KANSL1: variants seen among roughly 807,000 people sequenced by gnomAD.
KANSL1 encodes the protein MLL1/MLL complex subunit KANSL1.
KANSL1 carries 22 observed loss-of-function variants against 103.6 expected under a neutral mutation model. The observed-to-expected ratio is 0.21, with a 90% CI of 0.15 to 0.30. The LOEUF is 0.30. KANSL1 is among the 10% of genes least tolerant of loss of function. The pLI is 1.00. For synonymous variants in KANSL1, 600 were observed against 527.6 expected (o/e 1.14, Z -1.88); for missense variants, 1,337 against 1,399.8 (o/e 0.96, Z 0.72).
intron 1 of KANSL1, among the ~76,000 whole-genome samples, chr17:46,175,132 C>A (rs577075539): frequency 1.3e-5 from 2 of 152,262 alleles, no homozygotes; most frequent in East Asian, 1.9e-4. Context: ...CCAATTTAAT[C>A]AAAAATGCTT....
At chr17:46,168,566 C>T (rs868549519) in intron 2 of KANSL1, among the ~76,000 whole-genome samples, 60 of 152,142 alleles carry the variant, frequency 3.9e-4, no homozygotes, top group African/African-American at 1.4e-3. Flanking sequence ...AAACTGGTCT[C>T]GAACTCTCAA....
At chr17:46,218,580 T>C (rs1449568048) in intron 1 of KANSL1, among the ~76,000 whole-genome samples, 1 of 152,006 alleles carries the variant, frequency 6.6e-6, no homozygotes, top group Non-Finnish European at 1.5e-5. Flanking sequence ...GCCAGGAGTT[T>C]GAGACCAGCC....
At position 46,030,644 on chromosome 17, in the gene KANSL1, G is replaced by A. The variant is rs1443008596; in HGVS notation, c.*832C>T. On this transcript the variant is annotated 3_prime_UTR_variant, in exon 15 of 15. Transcript: ENST00000432791. ...GGCTGCTCACTTCCCACAACCCCCA[G>A]TTTGCAGGGGAGTGGGAATAGAGGT... The A allele has an allele frequency of 6.6e-6, 1 of 151,738 alleles. No homozygotes were observed. The highest frequency in any genetic ancestry group is 1.5e-5 in the Non-Finnish European group (1 of 67,968). The allele number at this position is 151,738 out of a possible 1,614,324, so 9.4% of individuals were successfully genotyped here.
chr17:46,159,817 G>C (rs2045636300), intron 2 of KANSL1, among the ~76,000 whole-genome samples: 1 of 152,172 alleles, frequency 6.6e-6, no homozygotes, highest in Non-Finnish European at 1.5e-5. Context: ...CATTTGATGG[G>C]GAAAAACCTT....
At chr17:46,154,518 G>A (rs970340482) in intron 2 of KANSL1, among the ~76,000 whole-genome samples, 5 of 152,158 alleles carry the variant, frequency 3.3e-5, no homozygotes, top group Admixed American at 1.3e-4. Flanking sequence ...TTGAGCTCAA[G>A]TGATCCCCCT....
At chr17:46,086,117 A>T (rs1423424757) in intron 3 of KANSL1, among the ~76,000 whole-genome samples, 3 of 152,266 alleles carry the variant, frequency 2.0e-5, no homozygotes, top group African/African-American at 7.2e-5. Context: ...AAGATAAATA[A>T]ATCTAACAAT....
chr17:46,169,398 T>C (rs1267925141), intron 2 of KANSL1: 1 of 151,510 alleles, frequency 6.6e-6, no homozygotes, highest in Non-Finnish European at 1.5e-5. Context: ...TCCTTCAAAA[T>C]AGAAAAAAAA....
intron 3 of KANSL1, among the ~76,000 whole-genome samples, chr17:46,090,950 A>G (rs951421046): frequency 3.9e-5 from 6 of 152,276 alleles, no homozygotes; most frequent in African/African-American, 1.4e-4. Flanking sequence ...AAAAAGTGTT[A>G]TGTATTTACT....
At chr17:46,058,027 A>C (rs2077994362) in intron 6 of KANSL1, among the ~76,000 whole-genome samples, 1 of 152,198 alleles carries the variant, frequency 6.6e-6, no homozygotes, top group Non-Finnish European at 1.5e-5. Context: ...GGGCAGGGAG[A>C]GGATCTGAAG....
At chr17:46,157,001 A>G (rs1004965288) in intron 2 of KANSL1, 5 of 152,266 alleles carry the variant, frequency 3.3e-5, no homozygotes, top group African/African-American at 1.2e-4. Flanking sequence ...TCTAACCACC[A>G]GAGAAGTGTT....
At position 46,034,016 on chromosome 17, in the gene KANSL1, T is replaced by C; in HGVS notation, c.2666+145A>G. The C allele has an allele frequency of 4.0e-6, 4 of 1,009,462 alleles. No homozygotes were observed. The South Asian group carries it at 6.4e-5, about 16-fold the overall frequency. The allele number at this position is 1,009,462 out of a possible 1,614,324, so 62.5% of individuals were successfully genotyped here. On this transcript the variant is annotated intron_variant, in intron 11 of 14. Transcript: ENST00000432791. ...AATGAGAGAGAACTATATACAGAAA[T>C]AATTTCGTTCTTATCAGATAAGAAT...
At position 46,094,375 on chromosome 17, in the gene KANSL1, G is replaced by C. The variant is rs2079533026; in HGVS notation, c.1431+185C>G. On this transcript the variant is annotated intron_variant, in intron 3 of 14. Coordinates refer to ENST00000432791, the MANE Select transcript of KANSL1 (RefSeq NM_015443.4). ...GCCTCCCAAAGTGCTGGGATCACAA[G>C]AGTGAGCCACCACGCGCAGCCACAT... is the stretch of plus-strand genomic sequence containing the variant. 8.4e-6 allele frequency: 6 copies of C among 712,726 alleles called. No individual in the cohort carries two copies. The South Asian group carries it at 1.2e-4, about 14-fold the overall frequency. 44.2% of individuals were successfully genotyped at this position (712,726 alleles called of 1,614,324 possible). A position where few individuals can be genotyped will look rare whatever the true frequency, so the allele number is the denominator to read the frequency against.
chr17:46,151,192 T>C (rs1210353923), intron 2 of KANSL1, among the ~76,000 whole-genome samples: 1 of 152,230 alleles, frequency 6.6e-6, no homozygotes, highest in African/African-American at 2.4e-5. Context: ...ACAACGATGC[T>C]TACAACAGCT....
chr17:46,146,193 T>C (rs1230256347), intron 2 of KANSL1, among the ~76,000 whole-genome samples: 1 of 152,228 alleles, frequency 6.6e-6, no homozygotes, highest in Admixed American at 6.5e-5. Flanking sequence ...GCATCATTCA[T>C]CTATGACCTT....
intron 2 of KANSL1, chr17:46,169,567 C>T (rs2046176629): frequency 6.6e-6 from 1 of 152,252 alleles, no homozygotes; most frequent in East Asian, 1.9e-4. Context: ...ATTCTTCCCA[C>T]ATATTCATCT....
At chr17:46,186,902 T>G (rs1427835249) in intron 1 of KANSL1, among the ~76,000 whole-genome samples, 4 of 143,386 alleles carry the variant, frequency 2.8e-5, no homozygotes, top group African/African-American at 7.9e-5. Context: ...TAATTTTTGC[T>G]GTTTTTTTTT....
intron 6 of KANSL1, 60 bp downstream of exon 6, chr17:46,066,477 T>G (rs1359645157): frequency 1.6e-5 from 23 of 1,441,102 alleles, no homozygotes; most frequent in Non-Finnish European, 2.1e-5. Context: ...GGCAAGAGAC[T>G]AACTCTATCT....
intron 6 of KANSL1, among the ~76,000 whole-genome samples, chr17:46,062,682 A>G (rs1489204568): frequency 6.6e-6 from 1 of 152,016 alleles, no homozygotes; most frequent in Non-Finnish European, 1.5e-5. Flanking sequence ...CAAAAGAGTT[A>G]CTGCACTAAA....
intron 6 of KANSL1, among the ~76,000 whole-genome samples, chr17:46,056,282 A>C (rs62060765): frequency 0.14 from 21,758 of 152,208 alleles, 2,110 homozygotes; most frequent in Non-Finnish European, 0.22. Flanking sequence ...AACAAGTGTG[A>C]GCCACCGTGC....
Sources: allele counts gnomAD v4.1 joint callset (sites outside exome capture counted in the v4.1 genomes callset), GRCh38; gene constraint gnomAD v4.1.1; transcripts MANE v1.5; gene names NCBI Gene and HGNC (gene_info 2026-07-23, HGNC 2026-07-21).